Variants in PGM2 observed in about 807,000 individuals in gnomAD.
The protein encoded by PGM2 is phosphoglucomutase 2.
Under a neutral mutation model 74.6 loss-of-function variants are expected in PGM2, and 57 were observed. The ratio of observed to expected loss-of-function variants is 0.76; its 90% confidence interval spans 0.62 to 0.95. The LOEUF is 0.95. Among genes scored for constraint, PGM2 ranks in the 40% least tolerant of loss-of-function variants. The probability of loss-of-function intolerance (pLI) is 0.00; values close to 1 mark genes in which losing one functional copy is unlikely to be tolerated. For synonymous variants in PGM2, 273 were observed against 260.7 expected, an observed-to-expected ratio of 1.05 and a Z score of -0.46; for missense variants, 706 against 741.9, an observed-to-expected ratio of 0.95 and a Z score of 0.56.
intron 2 of PGM2, among the ~76,000 whole-genome samples, chr4:37,833,238 G>A (rs552127593): frequency 6.6e-6 from 1 of 152,312 alleles, no homozygotes; most frequent in South Asian, 2.1e-4. Context: ...CAACAAGACT[G>A]TGATGTATCC....
chr4:37,845,716 A>G lies in PGM2; in HGVS notation c.993A>G (p.Ala331=). ...CGGATGCTGATAGACTTGCTGTGGC[A>G]GAAAAGCAAGACAGGTAAAATTAAT... ...NDPDADRLAV[A]EKQDSGEWRV... Residue 331 remains alanine, a synonymous_variant, in exon 8 of 14, where the codon GCA becomes GCG. Transcript: ENST00000381967. 6.2e-7 allele frequency: 1 copy of G among 1,606,426 alleles called. No individual in the cohort carries two copies. The highest frequency in any genetic ancestry group is 8.5e-7 in the Non-Finnish European group (1 of 1,172,918).
intron 10 of PGM2, 140 bp from the exon 11 acceptor site, chr4:37,848,382 T>A: frequency 1.5e-6 from 1 of 659,522 alleles, no homozygotes; most frequent in South Asian, 2.8e-5. Context: ...CTGGGCTAAA[T>A]TCCTAAACAT....
intron 4 of PGM2, among the ~76,000 whole-genome samples, chr4:37,838,070 G>A (rs886187867): frequency 4.6e-5 from 7 of 152,036 alleles, no homozygotes; most frequent in African/African-American, 1.7e-4. Context: ...TAGTAGCGAC[G>A]AGGTTTCACC....
intron 12 of PGM2, among the ~76,000 whole-genome samples, chr4:37,852,148 T>TC (rs1348661949): frequency 1.4e-5 from 2 of 143,080 alleles, no homozygotes; most frequent in African/African-American, 5.1e-5. Flanking sequence ...TTTTTTTTTT[T>TC]TTTTTTTTTT....
At chr4:37,831,219 G>A (rs1725435539) in intron 2 of PGM2, among the ~76,000 whole-genome samples, 1 of 93,104 alleles carries the variant, frequency 1.1e-5, no homozygotes, top group African/African-American at 3.1e-5. Flanking sequence ...AAAAAGAATT[G>A]CCATGGGAAC....
At chr4:37,850,657 C>T (rs1000889087) in intron 12 of PGM2, among the ~76,000 whole-genome samples, 2 of 151,818 alleles carry the variant, frequency 1.3e-5, no homozygotes, top group East Asian at 1.9e-4. Context: ...CAAAAATTAG[C>T]TGGGCGTGGT....
intron 13 of PGM2, among the ~76,000 whole-genome samples, chr4:37,860,356 T>G (rs1711725461): frequency 6.6e-6 from 1 of 152,250 alleles, no homozygotes; most frequent in Non-Finnish European, 1.5e-5. Flanking sequence ...CTACATTTAT[T>G]GAGGTCTTTG....
intron 4 of PGM2, chr4:37,839,585 AC>A (rs1164306372): frequency 3.4e-6 from 2 of 593,610 alleles, no homozygotes; most frequent in Non-Finnish European, 3.1e-6. Flanking sequence ...TTCTAGCTCT[AC>A]CAAGTAGAAG....
intron 8 of PGM2, among the ~76,000 whole-genome samples, 167 bp from the exon 9 acceptor site, chr4:37,846,764 G>A (rs1261405731): frequency 6.6e-6 from 1 of 152,212 alleles, no homozygotes; most frequent in African/African-American, 2.4e-5. Context: ...TTGTAAAATG[G>A]CAGTTACATT....
intron 3 of PGM2, among the ~76,000 whole-genome samples, chr4:37,836,762 G>A (rs372339044): frequency 2.6e-5 from 4 of 152,208 alleles, no homozygotes; most frequent in Middle Eastern, 3.4e-3. Context: ...CATTTTCTGC[G>A]TCTTACCCTA....
chr4:37,836,720 A>G (rs768350547), intron 3 of PGM2, among the ~76,000 whole-genome samples: 2 of 152,150 alleles, frequency 1.3e-5, no homozygotes, highest in Non-Finnish European at 2.9e-5. Context: ...GTGGTAACGT[A>G]TTTTACACCA....
intron 13 of PGM2, among the ~76,000 whole-genome samples, chr4:37,861,263 A>G (rs889141276): frequency 4.6e-5 from 7 of 152,220 alleles, no homozygotes; most frequent in Non-Finnish European, 1.0e-4. Context: ...AGAGCAAAGG[A>G]TAACTTTGTT....
At chr4:37,846,699 G>A (rs1725883718) in intron 8 of PGM2, among the ~76,000 whole-genome samples, 1 of 152,242 alleles carries the variant, frequency 6.6e-6, no homozygotes, top group South Asian at 2.1e-4. Flanking sequence ...AGTCTTCAAA[G>A]ACAGGATGTC....
At chr4:37,841,407 C>T (rs1218142299) in intron 6 of PGM2, among the ~76,000 whole-genome samples, 1 of 151,934 alleles carries the variant, frequency 6.6e-6, no homozygotes, top group Non-Finnish European at 1.5e-5. Flanking sequence ...TGATTGTCCC[C>T]CTAGCAAGAA....
intron 1 of PGM2, among the ~76,000 whole-genome samples, chr4:37,827,572 C>T (rs1725329139): frequency 6.6e-6 from 1 of 152,074 alleles, no homozygotes; most frequent in African/African-American, 2.4e-5. Flanking sequence ...ATATTTTGTG[C>T]CTGAACTTAA....
chr4:37,831,424 AC>A (rs1725442105), intron 2 of PGM2, among the ~76,000 whole-genome samples: 1 of 152,226 alleles, frequency 6.6e-6, no homozygotes, highest in Non-Finnish European at 1.5e-5. Context: ...TAAAACAACA[AC>A]CACATTTATT....
chr4:37,852,133 C>CTT (rs778968323), intron 12 of PGM2, among the ~76,000 whole-genome samples: 1,175 of 47,282 alleles, frequency 0.025, 83 homozygotes, highest in Non-Finnish European at 0.036. Flanking sequence ...ATGCCCAGCT[C>CTT]TTTTTTTTTT....
At chr4:37,848,954 C>T (rs1003626656) in intron 11 of PGM2, among the ~76,000 whole-genome samples, 5 of 151,590 alleles carry the variant, frequency 3.3e-5, no homozygotes, top group Admixed American at 1.3e-4. Flanking sequence ...CCTGTAATCC[C>T]AGCTACTCAG....
At chr4:37,845,112 A>G (rs1318129633) in intron 7 of PGM2, among the ~76,000 whole-genome samples, 1 of 152,170 alleles carries the variant, frequency 6.6e-6, no homozygotes, top group African/African-American at 2.4e-5. Context: ...CAGTTAATTT[A>G]ATTTAATTTA....
Sources: gnomAD v4.1 joint callset for allele counts (sites outside exome capture counted in the v4.1 genomes callset) on GRCh38, gnomAD v4.1.1 for gene constraint, MANE v1.5 for transcripts, NCBI Gene and HGNC (gene_info 2026-07-23, HGNC 2026-07-21) for gene names.